R3HDM1: variants seen among roughly 807,000 people sequenced by gnomAD.
The protein encoded by R3HDM1 is R3H domain containing 1.
R3HDM1 carries 46 observed loss-of-function variants against 141.1 expected under a neutral mutation model. That is an observed-to-expected ratio of 0.33 (90% CI 0.26 to 0.42). The LOEUF (loss-of-function observed/expected upper bound fraction) is 0.42. R3HDM1 is among the 10% of genes least tolerant of loss of function. The probability of loss-of-function intolerance (pLI) is 1.00; values close to 1 mark genes in which losing one functional copy is unlikely to be tolerated. For missense variants in R3HDM1, 1,184 were observed against 1,368.3 expected, an observed-to-expected ratio of 0.87 and a Z score of 2.12; for synonymous variants, 435 against 472.9, an observed-to-expected ratio of 0.92 and a Z score of 1.04.
At chr2:135,618,681 C>G (rs2061281763) in intron 5 of R3HDM1, among the ~76,000 whole-genome samples, 1 of 151,798 alleles carries the variant, frequency 6.6e-6, no homozygotes, top group African/African-American at 2.4e-5. Context: ...ATAATACAGT[C>G]TGAAAAAAAA....
intron 8 of R3HDM1, 26 bp from the exon 9 acceptor site, chr2:135,631,835 T>C: frequency 1.3e-6 from 2 of 1,596,972 alleles, no homozygotes; most frequent in East Asian, 4.5e-5. Flanking sequence ...CTTGACTTAC[T>C]AAGTTGGTTT....
chr2:135,601,948 C>T lies in R3HDM1; in HGVS notation c.-249-552C>T, dbSNP rs539393288. 3.4e-4 allele frequency among the ~76,000 whole-genome samples: 51 copies of T among 151,584 alleles called. 1 individual carries two copies. In the South Asian group the frequency reaches 0.01, roughly 31 times the overall value. On this transcript the variant is annotated intron_variant, in intron 1 of 26. Transcript: ENST00000683871. ...AAGTGCTGGGATTATAGGCACAAGCCACTGCACCCAGCCAACTTTTTTTTT... is the reference window on the plus strand; with the variant it reads ...AAGTGCTGGGATTATAGGCACAAGCTACTGCACCCAGCCAACTTTTTTTTT...
chr2:135,569,518 A>T (rs537188874), intron 1 of R3HDM1, among the ~76,000 whole-genome samples: 2 of 152,012 alleles, frequency 1.3e-5, no homozygotes, highest in African/African-American at 4.8e-5. Flanking sequence ...AGAAATAGGT[A>T]GTATATCAAA....
At chr2:135,683,398 A>C (rs1203015795) in intron 21 of R3HDM1, among the ~76,000 whole-genome samples, 1 of 151,986 alleles carries the variant, frequency 6.6e-6, no homozygotes, top group Non-Finnish European at 1.5e-5. Context: ...CACTAAAAAT[A>C]CAAAAATTAG....
intron 1 of R3HDM1, among the ~76,000 whole-genome samples, chr2:135,559,467 C>T (rs1422263988): frequency 6.6e-6 from 1 of 152,060 alleles, no homozygotes; most frequent in Admixed American, 6.6e-5. Flanking sequence ...TATTTTGTCC[C>T]CTGAGATATT....
chr2:135,592,749 AT>A (rs1055360821), intron 1 of R3HDM1, among the ~76,000 whole-genome samples: 9 of 146,832 alleles, frequency 6.1e-5, no homozygotes, highest in Admixed American at 3.4e-4. Context: ...GTTTTTTATT[AT>A]TTTTTTTTAT....
chr2:135,664,521 G>A (rs2067212358), intron 19 of R3HDM1, among the ~76,000 whole-genome samples: 1 of 152,138 alleles, frequency 6.6e-6, no homozygotes. Context: ...ACTGAGCAAA[G>A]TATTTTTAGA....
chr2:135,707,182 GCTTTA>G (rs2075059971), intron 21 of R3HDM1, among the ~76,000 whole-genome samples: 1 of 152,260 alleles, frequency 6.6e-6, no homozygotes, highest in South Asian at 2.1e-4. Context: ...TAGGCCTGGT[GCTTTA>G]CTTTAAAAGT....
intron 25 of R3HDM1, 60 bp downstream of exon 25, chr2:135,722,066 G>A (rs2076750960): frequency 1.3e-6 from 2 of 1,521,598 alleles, no homozygotes; most frequent in Admixed American, 1.7e-5. Context: ...CCCTCAGAGT[G>A]TAAGGGGCAA....
At chr2:135,669,935 T>A (rs2068073272) in intron 19 of R3HDM1, among the ~76,000 whole-genome samples, 1 of 152,030 alleles carries the variant, frequency 6.6e-6, no homozygotes, top group Admixed American at 6.6e-5. Context: ...TGTCAGGAGT[T>A]CAAGACCAGC....
intron 19 of R3HDM1, among the ~76,000 whole-genome samples, chr2:135,662,875 A>G (rs959485300): frequency 6.6e-6 from 1 of 152,150 alleles, no homozygotes; most frequent in African/African-American, 2.4e-5. Flanking sequence ...TATAACACAG[A>G]CTGTAGCTGA....
At chr2:135,581,462 C>T (rs1418181811) in intron 1 of R3HDM1, 1 of 923,572 alleles carries the variant, frequency 1.1e-6, no homozygotes, top group Non-Finnish European at 1.3e-6. Flanking sequence ...TGGTTGTGGA[C>T]TGTTGATTGA....
chr2:135,650,368 C>T, intron 17 of R3HDM1: 1 of 984,862 alleles, frequency 1.0e-6, no homozygotes, highest in African/African-American at 1.7e-5. Flanking sequence ...CTCCCCAACA[C>T]TGTAGCTCCA....
At position 135,675,441 on chromosome 2, in the gene R3HDM1, G is replaced by C. The variant is rs747518274; in HGVS notation, c.2262G>C (p.Gln754His). The C allele has an allele frequency of 7.4e-6, 12 of 1,613,886 alleles. No individual in the cohort carries two copies. In the Admixed American group the frequency reaches 1.8e-4, roughly 25 times the overall value. Reference protein sequence around the residue: ...VSGQPNSIGNQIQGVVIPYTS... With the variant: ...VSGQPNSIGNHIQGVVIPYTS... ...GCCAACCCAACAGCATTGGAAATCA[G>C]ATTCAAGGAGTGGTCATCCCCTATA... Residue 754 changes from glutamine (Q) to histidine (H), a missense_variant, in exon 20 of 27, where the codon CAG (glutamine) becomes CAC (histidine). Physicochemically the swap from Gln to His is conservative, Grantham distance 24. Transcript: ENST00000683871.
At chr2:135,718,522 G>A (rs746047643) in intron 24 of R3HDM1, among the ~76,000 whole-genome samples, 3 of 151,948 alleles carry the variant, frequency 2.0e-5, no homozygotes, top group Non-Finnish European at 2.9e-5. Flanking sequence ...TTATTCCATC[G>A]CCCAGGCTGC....
intron 1 of R3HDM1, among the ~76,000 whole-genome samples, chr2:135,537,233 G>A (rs1161088835): frequency 6.9e-6 from 1 of 144,216 alleles, no homozygotes; most frequent in Non-Finnish European, 1.5e-5. Flanking sequence ...GTACGTGTAT[G>A]CAACATGTAT....
At chr2:135,716,379 G>A (rs187233158) in intron 24 of R3HDM1, among the ~76,000 whole-genome samples, 34 of 152,314 alleles carry the variant, frequency 2.2e-4, no homozygotes, top group African/African-American at 6.5e-4. Context: ...TGCCCTTGGT[G>A]TATAAAGATG....
At chr2:135,626,737 A>G (rs1200639074) in intron 7 of R3HDM1, among the ~76,000 whole-genome samples, 1 of 152,182 alleles carries the variant, frequency 6.6e-6, no homozygotes, top group African/African-American at 2.4e-5. Flanking sequence ...TAGGAGCACT[A>G]TCACCACAGT....
intron 1 of R3HDM1, among the ~76,000 whole-genome samples, chr2:135,561,587 A>G (rs2104961060): frequency 6.6e-6 from 1 of 152,012 alleles, no homozygotes; most frequent in East Asian, 1.9e-4. Flanking sequence ...TTGTGGTTGC[A>G]TGTGCCTGTG....
Sources: gnomAD v4.1 joint callset for allele counts (sites outside exome capture counted in the v4.1 genomes callset) on GRCh38, gnomAD v4.1.1 for gene constraint, MANE v1.5 for transcripts, NCBI Gene and HGNC (gene_info 2026-07-23, HGNC 2026-07-21) for gene names.